The following TCF21 variants were observed in gnomAD, a reference collection of about 807,000 sequenced individuals.
TCF21 encodes the protein transcription factor 21, also known as capsulin.
A neutral mutation model predicts 13.5 loss-of-function variants in TCF21; 3 were observed. That is an observed-to-expected ratio of 0.22 (90% CI 0.10 to 0.57). The LOEUF is 0.57. Among genes scored for constraint, TCF21 ranks in the 20% least tolerant of loss-of-function variants. The pLI, the probability that TCF21 is intolerant of heterozygous loss-of-function variation, is 0.92. For missense variants in TCF21, 181 were observed against 238.4 expected (o/e 0.76, Z 1.59); for synonymous variants, 92 against 101.7 (o/e 0.90, Z 0.57).
In TCF21 at chr6:133,889,502, C is replaced by T. The variant is rs756186325; in HGVS notation, c.105C>T (p.Asn35=). ...MDSNKEFVTS[N]ESTEESSNCE... is the part of the protein sequence containing the mutation. ...CGAACAAGGAATTTGTGACTTCCAA[C>T]GAGAGCACCGAGGAGAGCTCCAACT... Residue 35 remains asparagine, a synonymous_variant, in exon 1 of 2, where the codon AAC becomes AAT. Coordinates refer to ENST00000367882, the MANE Select transcript of TCF21 (RefSeq NM_003206.4). This position sits in a 1 kb window ranked among gnomAD's most constrained non-coding sequence, Gnocchi z 5.1. 7.4e-6 allele frequency: 12 copies of T among 1,613,980 alleles called. No homozygotes were observed. The highest frequency in any genetic ancestry group is 1.0e-5 in the Non-Finnish European group (12 of 1,180,008).
At chr6:133,890,583 C>CA (rs1357958817) in intron 1 of TCF21, among the ~76,000 whole-genome samples, 10 of 152,198 alleles carry the variant, frequency 6.6e-5, no homozygotes, top group Non-Finnish European at 1.0e-4. Context: ...TTTTTTAACA[C>CA]AAAAAACTGA....
rs1429626730 is a variant in TCF21 at position 133,889,377 on chromosome 6, C to G, written c.-21C>G. 1.2e-6 allele frequency: 2 copies of G among 1,612,452 alleles called. No individual in the cohort carries two copies. Among genetic ancestry groups the G allele is most frequent in the South Asian group, 2.2e-5 (2 of 91,056 alleles). ...TCTCTCTGTCTCTCTCTCTCTCTCT[C>G]CCTCGTCCACTCCCCCAAACATGTC... is the stretch of plus-strand genomic sequence containing the variant. On this transcript the variant is annotated 5_prime_UTR_variant, in exon 1 of 2. Transcript: ENST00000367882. The surrounding 1 kb of genome is among the most constrained non-coding windows in gnomAD (Gnocchi z 5.1).
downstream of TCF21, chr6:133,893,325 G>A (rs1775251581): frequency 6.6e-6 from 1 of 152,420 alleles, no homozygotes; most frequent in Non-Finnish European, 1.5e-5. Flanking sequence ...TCATTACCAA[G>A]GGGTGGCGAC....
Position 133,891,724 on chromosome 6 carries a change from T to C in TCF21, c.462T>C (p.Phe154=), listed in dbSNP as rs1212412558. The stretch of plus-strand genomic sequence containing the variant: ...CTTCTTTCCCGCAGACGTGGCCCTT[T>C]ATGGTGGCCGGGAAACCCGAGAGTG... The part of the protein sequence containing the change: ...YIHPVNLTWP[F]MVAGKPESDL... Residue 154 remains phenylalanine (F), a synonymous_variant, in exon 2 of 2, where the codon TTT becomes TTC. Coordinates refer to ENST00000367882, the MANE Select transcript of TCF21 (RefSeq NM_003206.4). The C allele has an allele frequency of 6.2e-7, 1 of 1,613,440 alleles. No individual in the cohort carries two copies.
In TCF21 at chr6:133,889,911, C is replaced by G. The variant is rs1406601683; in HGVS notation, c.450+64C>G. The G allele has an allele frequency of 3.2e-6, 5 of 1,576,808 alleles. No individual in the cohort carries two copies. The East Asian group carries it at 9.0e-5, about 28-fold the overall frequency. The stretch of plus-strand genomic sequence containing the variant: ...CCCGCACTCCCGCCTGCGGTGGGCG[C>G]GAGTGCGCGCGGGGCTGGGAGTGGG... On this transcript the variant is annotated intron_variant, in intron 1 of 1. Transcript: ENST00000367882. This position sits in a 1 kb window ranked among gnomAD's most constrained non-coding sequence, Gnocchi z 5.1.
At chr6:133,894,008 AGTG>A (rs1775263203), downstream of TCF21, 1 of 152,196 alleles carries the variant, frequency 6.6e-6, no homozygotes, top group Non-Finnish European at 1.5e-5. Context: ...ACAGAGGCTT[AGTG>A]AGGCTCAGAT....
At chr6:133,894,360 G>A (rs143093220), downstream of TCF21, 578 of 152,344 alleles carry the variant, frequency 3.8e-3, 3 homozygotes, top group South Asian at 0.017. Flanking sequence ...CTGCAGATAG[G>A]ATAACACTGG....
In TCF21 at chr6:133,889,948, G is replaced by A; in HGVS notation, c.450+101G>A. ...GGGCTGGGAGTGGGGGTGTGGGCGC[G>A]GCGGTGACTTACACATCTCGACCAC... is the stretch of plus-strand genomic sequence containing the variant. On this transcript the variant is annotated intron_variant, in intron 1 of 1. Coordinates refer to ENST00000367882, the MANE Select transcript of TCF21 (RefSeq NM_003206.4). This position sits in a 1 kb window ranked among gnomAD's most constrained non-coding sequence, Gnocchi z 5.1. 3 of 1,373,150 alleles carry A rather than the reference G, an allele frequency of 2.2e-6. No individual in the cohort carries two copies. Among genetic ancestry groups the A allele is most frequent in the Middle Eastern group, 2.4e-4 (1 of 4,154 alleles). The allele number at this position is 1,373,150 out of a possible 1,614,324, so 85.1% of individuals were successfully genotyped here. A position where few individuals can be genotyped will look rare whatever the true frequency, so the allele number is the denominator to read the frequency against.
chr6:133,890,086 G>A (rs1383104025), intron 1 of TCF21, among the ~76,000 whole-genome samples: 1 of 152,332 alleles, frequency 6.6e-6, no homozygotes, highest in Non-Finnish European at 1.5e-5. Flanking sequence ...TGACGTGGCA[G>A]CCCAATTAAA....
intron 1 of TCF21, 175 bp from the exon 2 acceptor site, chr6:133,891,538 T>C (rs1775216692): frequency 1.4e-6 from 1 of 707,542 alleles, no homozygotes; most frequent in African/African-American, 1.8e-5. Context: ...AAAGCAGCTA[T>C]TTGCTTTATG....
rs1273820032 is a variant in TCF21 at position 133,889,527 on chromosome 6, T to A, written c.130T>A (p.Cys44Ser). ...SNESTEESSN[C>S]ENGSPQKGRG... ...CGAGAGCACCGAGGAGAGCTCCAAC[T>A]GCGAGAATGGGTCTCCCCAGAAGGG... is the stretch of plus-strand genomic sequence containing the variant. The change falls in exon 1 of 2, where the codon TGC becomes AGC. Residue 44 changes from cysteine to serine, a missense_variant. Physicochemically the swap from Cys to Ser is moderately radical, Grantham distance 112. Transcript: ENST00000367882. This position sits in a 1 kb window ranked among gnomAD's most constrained non-coding sequence, Gnocchi z 5.1. The A allele has an allele frequency of 2.5e-6, 4 of 1,613,658 alleles. No homozygotes were observed. The East Asian group carries it at 8.9e-5, about 36-fold the overall frequency.
chr6:133,893,801 C>T (rs886279305), downstream of TCF21: 2 of 152,116 alleles, frequency 1.3e-5, no homozygotes, highest in Admixed American at 1.3e-4. Context: ...AGTTCCCTAC[C>T]AATAATTTGA....
chr6:133,893,767 T>C (rs1775257995), downstream of TCF21: 1 of 152,256 alleles, frequency 6.6e-6, no homozygotes, highest in African/African-American at 2.4e-5. Context: ...CATGGATTTT[T>C]AGAAAGTCTT....
At chr6:133,892,338 G>A (rs1013195083), downstream of TCF21, 8 of 152,156 alleles carry the variant, frequency 5.3e-5, no homozygotes, top group African/African-American at 1.9e-4. Flanking sequence ...AATGAAAATG[G>A]TTCTTTTAAA....
In TCF21 at chr6:133,891,659, C is replaced by A. The variant is rs760586455; in HGVS notation, c.451-54C>A. ...CCTTTCATCTCAGGCCCCGAGTCCA[C>A]CCCACCCCCTCCGCCACGGCCACTT... On this transcript the variant is annotated intron_variant, in intron 1 of 1. Transcript: ENST00000367882. 1,046 of 1,533,378 alleles carry A rather than the reference C, an allele frequency of 6.8e-4. 3 individuals carry two copies. The highest frequency in any genetic ancestry group is 8.3e-4 in the Non-Finnish European group (926 of 1,119,812). The allele number at this position is 1,533,378 out of a possible 1,614,324, so 95.0% of individuals were successfully genotyped here. A position where few individuals can be genotyped will look rare whatever the true frequency, so the allele number is the denominator to read the frequency against.
Position 133,889,530 on chromosome 6 carries a change from G to C in TCF21, c.133G>C (p.Glu45Gln). Reference sequence around the variant, plus strand: ...GAGCACCGAGGAGAGCTCCAACTGCGAGAATGGGTCTCCCCAGAAGGGCCG... The same window carrying C: ...GAGCACCGAGGAGAGCTCCAACTGCCAGAATGGGTCTCCCCAGAAGGGCCG... ...NESTEESSNC[E>Q]NGSPQKGRGG... The change falls in exon 1 of 2, where the codon GAG (glutamate) becomes CAG (glutamine). Residue 45 changes from glutamate to glutamine, a missense_variant. Glu to Gln is a conservative substitution (Grantham distance 29). Transcript: ENST00000367882. This position sits in a 1 kb window ranked among gnomAD's most constrained non-coding sequence, Gnocchi z 5.1. 1 of 1,614,046 alleles carries C rather than the reference G, an allele frequency of 6.2e-7. No homozygotes were observed. The highest frequency in any genetic ancestry group is 2.2e-5 in the East Asian group (1 of 44,854).
At position 133,889,527 on chromosome 6, in the gene TCF21, T is replaced by C. The variant is rs1273820032; in HGVS notation, c.130T>C (p.Cys44Arg). 3.7e-6 allele frequency: 6 copies of C among 1,613,540 alleles called. No homozygotes were observed. Among genetic ancestry groups the C allele is most frequent in the Non-Finnish European group, 8.5e-7 (1 of 1,179,890 alleles). ...SNESTEESSN[C>R]ENGSPQKGRG... The stretch of plus-strand genomic sequence containing the variant: ...CGAGAGCACCGAGGAGAGCTCCAAC[T>C]GCGAGAATGGGTCTCCCCAGAAGGG... The change falls in exon 1 of 2, where the codon TGC (cysteine) becomes CGC (arginine). Residue 44 changes from cysteine (C) to arginine (R), a missense_variant. Physicochemically the swap from Cys to Arg is radical, Grantham distance 180. Around this residue, in one of 3 missense-constraint regions of TCF21, gnomAD observed 91 missense variants for 98.5 expected, o/e 0.92. Coordinates refer to ENST00000367882, the MANE Select transcript of TCF21 (RefSeq NM_003206.4). The surrounding 1 kb of genome is among the most constrained non-coding windows in gnomAD (Gnocchi z 5.1).
Position 133,889,928 on chromosome 6 carries a change from G to A in TCF21, c.450+81G>A. 6.6e-7 allele frequency: 1 copy of A among 1,507,910 alleles called. No homozygotes were observed. The highest frequency in any genetic ancestry group is 1.1e-5 in the South Asian group (1 of 88,098). The allele number at this position is 1,507,910 out of a possible 1,614,324, so 93.4% of individuals were successfully genotyped here. On this transcript the variant is annotated intron_variant, in intron 1 of 1. Transcript: ENST00000367882. This position sits in a 1 kb window ranked among gnomAD's most constrained non-coding sequence, Gnocchi z 5.1. ...GGTGGGCGCGAGTGCGCGCGGGGCT[G>A]GGAGTGGGGGTGTGGGCGCGGCGGT... is the stretch of plus-strand genomic sequence containing the variant.
chr6:133,891,304 G>T (rs17063105), intron 1 of TCF21, among the ~76,000 whole-genome samples: 7,434 of 152,282 alleles, frequency 0.049, 645 homozygotes, highest in African/African-American at 0.17. Context: ...GCTTCGCCCC[G>T]AACTCGGTGC....
Sources: allele counts gnomAD v4.1 joint callset (sites outside exome capture counted in the v4.1 genomes callset), GRCh38; gene constraint gnomAD v4.1.1; regional missense constraint gnomAD v4.1.1; non-coding constraint Gnocchi (gnomAD v3.1); transcripts MANE v1.5; gene names NCBI Gene and HGNC (gene_info 2026-07-23, HGNC 2026-07-21).